EDEM3: variants seen among roughly 807,000 people sequenced by gnomAD.
EDEM3 encodes ER degradation enhancing alpha-mannosidase like protein 3, also known as ER degradation-enhancing alpha-mannosidase-like protein 3.
In EDEM3, 60 loss-of-function variants were observed where a neutral mutation model predicts 110.2. The ratio of observed to expected loss-of-function variants is 0.54; its 90% CI spans 0.44 to 0.67. The LOEUF (loss-of-function observed/expected upper bound fraction) is 0.67. EDEM3 is among the 30% of genes least tolerant of loss of function. The pLI is 0.00. For synonymous variants in EDEM3, 352 were observed against 382.9 expected (o/e 0.92, Z 0.94); for missense variants, 996 against 1,121.0 (o/e 0.89, Z 1.59).
intron 2 of EDEM3, among the ~76,000 whole-genome samples, chr1:184,741,093 T>C (rs1652110853): frequency 6.6e-6 from 1 of 152,108 alleles, no homozygotes; most frequent in South Asian, 2.1e-4. Flanking sequence ...ATGAGTCTTT[T>C]GTTTAAAAAA....
chr1:184,694,204 C>A lies in EDEM3; in HGVS notation c.2658G>T (p.Gln886His). 1 of 1,613,398 alleles carries A rather than the reference C, an allele frequency of 6.2e-7. No homozygotes were observed. Among genetic ancestry groups the A allele is most frequent in the Non-Finnish European group, 8.5e-7 (1 of 1,179,642 alleles). Residue 886 changes from glutamine to histidine, a missense_variant, in exon 20 of 20, where the codon CAG becomes CAT. By Grantham distance (24) the Gln-to-His change is conservative. Coordinates refer to ENST00000318130, the MANE Select transcript of EDEM3 (RefSeq NM_025191.4). ...CCTCAGTTTCTGATTGTTCTTGAAG[C>A]TGGTTATCTAAATCTGTACATTCAC... ...LNGECTDLDN[Q>H]LQEQSETEED...
chr1:184,716,375 A>G (rs1650546731), intron 13 of EDEM3, among the ~76,000 whole-genome samples: 1 of 152,168 alleles, frequency 6.6e-6, no homozygotes, highest in South Asian at 2.1e-4. Context: ...AGCACTTTTT[A>G]TAGCTTGAAT....
rs1481869956 is a variant in EDEM3, at chr1:184,749,609, A to G, written c.159-17T>C. 1 of 1,470,174 alleles carries G rather than the reference A, an allele frequency of 6.8e-7. No individual in the cohort carries two copies. Among genetic ancestry groups the G allele is most frequent in the Non-Finnish European group, 9.1e-7 (1 of 1,093,958 alleles). 91.1% of individuals were successfully genotyped at this position (1,470,174 alleles called of 1,614,324 possible). A position where few individuals can be genotyped will look rare whatever the true frequency, so the allele number is the denominator to read the frequency against. On this transcript the variant is annotated splice_polypyrimidine_tract_variant and intron_variant, in intron 1 of 19. Transcript: ENST00000318130. ...ACTTGATTCCTAATTTTAAAAGAGC[A>G]GAAATGGAAAAAAAAAAAAAAAAAG...
intron 19 of EDEM3, among the ~76,000 whole-genome samples, chr1:184,700,201 G>A (rs1160526735): frequency 6.6e-6 from 1 of 151,932 alleles, no homozygotes; most frequent in Non-Finnish European, 1.5e-5. Flanking sequence ...AACAGTTTCA[G>A]ATACATCTAT....
In EDEM3 at chr1:184,719,422, A is replaced by G. The variant is rs755192775; in HGVS notation, c.1077+21T>C. On this transcript the variant is annotated intron_variant, in intron 10 of 19. Coordinates refer to ENST00000318130, the MANE Select transcript of EDEM3 (RefSeq NM_025191.4). ...ACATCATCATCTTACATTCATATTA[A>G]GAAGACAGAATTCTTTATACCTGCA... 1.9e-6 allele frequency: 3 copies of G among 1,603,688 alleles called. No homozygotes were observed. The Admixed American group carries it at 5.3e-5, about 28-fold the overall frequency.
chr1:184,728,954 C>T (rs1407247050), intron 6 of EDEM3, among the ~76,000 whole-genome samples: 1 of 152,072 alleles, frequency 6.6e-6, no homozygotes, highest in East Asian at 1.9e-4. Flanking sequence ...ATTTCAGCAT[C>T]CAAGAGGCAC....
chr1:184,753,305 G>A (rs1652877423), intron 1 of EDEM3, among the ~76,000 whole-genome samples: 2 of 151,244 alleles, frequency 1.3e-5, no homozygotes, highest in South Asian at 2.1e-4. Context: ...TAGGCTTCCA[G>A]TGACGTACTT....
At chr1:184,725,962 G>A (rs1375512757) in intron 7 of EDEM3, among the ~76,000 whole-genome samples, 3 of 152,048 alleles carry the variant, frequency 2.0e-5, no homozygotes, top group Non-Finnish European at 4.4e-5. Context: ...AGACATTTAT[G>A]ATATCAAGGA....
At chr1:184,698,127 T>C (rs2102055723) in intron 19 of EDEM3, among the ~76,000 whole-genome samples, 1 of 151,752 alleles carries the variant, frequency 6.6e-6, no homozygotes, top group East Asian at 1.9e-4. Flanking sequence ...TAAAGGGAAA[T>C]ATGCTGACTA....
At chr1:184,710,717 T>C (rs1009003474) in intron 15 of EDEM3, among the ~76,000 whole-genome samples, 170 bp from the exon 16 acceptor site, 2 of 152,238 alleles carry the variant, frequency 1.3e-5, no homozygotes, top group East Asian at 3.8e-4. Flanking sequence ...ACAAGTGGTA[T>C]AGCTTTCAAA....
intron 15 of EDEM3, among the ~76,000 whole-genome samples, chr1:184,710,881 A>G (rs960801900): frequency 1.3e-5 from 2 of 152,312 alleles, no homozygotes; most frequent in Admixed American, 6.5e-5. Context: ...TTCTCCCAAT[A>G]TTTTAAAAGC....
At chr1:184,718,557 A>T (rs1650683721) in intron 11 of EDEM3, among the ~76,000 whole-genome samples, 1 of 152,144 alleles carries the variant, frequency 6.6e-6, no homozygotes, top group Non-Finnish European at 1.5e-5. Flanking sequence ...GAACAAGGCC[A>T]TACACACATT....
intron 2 of EDEM3, among the ~76,000 whole-genome samples, chr1:184,745,044 G>GT (rs1486643624): frequency 6.6e-6 from 1 of 152,024 alleles, no homozygotes; most frequent in Non-Finnish European, 1.5e-5. Flanking sequence ...TATCATGACT[G>GT]TGATGGTGGT....
intron 1 of EDEM3, among the ~76,000 whole-genome samples, chr1:184,752,256 A>T (rs1228625373): frequency 6.6e-6 from 1 of 152,220 alleles, no homozygotes; most frequent in Non-Finnish European, 1.5e-5. Flanking sequence ...GTTATTGAGC[A>T]ATTGCTTACT....
chr1:184,741,754 G>C (rs1652153596), intron 2 of EDEM3, among the ~76,000 whole-genome samples: 1 of 152,176 alleles, frequency 6.6e-6, no homozygotes, highest in South Asian at 2.1e-4. Context: ...TTTAAAATAA[G>C]AGTATAACGG....
chr1:184,711,867 T>C lies in EDEM3; in HGVS notation c.1547A>G (p.Tyr516Cys). The C allele has an allele frequency of 1.2e-6, 2 of 1,602,472 alleles. No homozygotes were observed. The highest frequency in any genetic ancestry group is 8.5e-7 in the Non-Finnish European group (1 of 1,176,292). The change falls in exon 15 of 20, where the codon TAT becomes TGT. Residue 516 changes from tyrosine to cysteine, a missense_variant. Physicochemically the swap from Tyr to Cys is radical, Grantham distance 194 (BLOSUM62 -2). Transcript: ENST00000318130. ...SISKKNTTSE[Y>C]TELDDSNFDW... ...GAAGTTACTGTCATCCAGTTCTGTATATTCCGAGGTCTACAAGAGAAAAAC... is the reference window on the plus strand; with the variant it reads ...GAAGTTACTGTCATCCAGTTCTGTACATTCCGAGGTCTACAAGAGAAAAAC...
intron 19 of EDEM3, chr1:184,701,622 C>G: frequency 9.3e-7 from 1 of 1,070,520 alleles, no homozygotes; most frequent in Non-Finnish European, 1.2e-6. Flanking sequence ...AATAATTTGC[C>G]TATGTTAGAT....
Position 184,719,543 on chromosome 1 carries a change from A to G in EDEM3, c.977T>C (p.Ile326Thr). 1 of 1,614,032 alleles carries G rather than the reference A, an allele frequency of 6.2e-7. No individual in the cohort carries two copies. Among genetic ancestry groups the G allele is most frequent in the Non-Finnish European group, 8.5e-7 (1 of 1,179,986 alleles). ...NTHYDAIMRY[I>T]SQPPLLLDVH... ...ATCAAGTAGAAGAGGTGGCTGGCTA[A>G]TATACCTCATTATGGCATCATAGTG... The change falls in exon 10 of 20, where the codon ATT (isoleucine) becomes ACT (threonine). Residue 326 changes from isoleucine (I) to threonine (T), a missense_variant. Physicochemically the swap from Ile to Thr is moderately conservative, Grantham distance 89. Coordinates refer to ENST00000318130, the MANE Select transcript of EDEM3 (RefSeq NM_025191.4).
intron 19 of EDEM3, among the ~76,000 whole-genome samples, chr1:184,699,179 C>CCATT (rs543459373): frequency 0.013 from 2,032 of 151,672 alleles, 17 homozygotes; most frequent in Middle Eastern, 0.024. Context: ...TGTTTTAGAA[C>CCATT]CATTCATTCA....
Sources: gnomAD v4.1 joint callset for allele counts (sites outside exome capture counted in the v4.1 genomes callset) on GRCh38, gnomAD v4.1.1 for gene constraint, MANE v1.5 for transcripts, NCBI Gene and HGNC (gene_info 2026-07-23, HGNC 2026-07-21) for gene names.